EML1: variants seen among roughly 807,000 people sequenced by gnomAD.
EML1 encodes the protein EMAP like 1.
Under a neutral mutation model 110.4 loss-of-function variants are expected in EML1, and 27 were observed. The ratio of observed to expected loss-of-function variants is 0.24; its 90% CI spans 0.18 to 0.34. The LOEUF is 0.34. Ranked by LOEUF, EML1 falls within the 10% of genes least tolerant of loss-of-function variation. The pLI, the probability that EML1 is intolerant of heterozygous loss-of-function variation, is 1.00. For missense variants in EML1, 741 were observed against 1,030.9 expected, an observed-to-expected ratio of 0.72 and a Z score of 3.85; for synonymous variants, 344 against 385.8, an observed-to-expected ratio of 0.89 and a Z score of 1.27.
At chr14:99,767,518 C>A (rs941606980) in intron 1 of EML1, among the ~76,000 whole-genome samples, 28 of 152,126 alleles carry the variant, frequency 1.8e-4, no homozygotes, top group African/African-American at 5.8e-4. Flanking sequence ...AGGAGAATCG[C>A]TTGAACCCAG....
At chr14:99,917,154 G>A (rs1417828695) in intron 15 of EML1, among the ~76,000 whole-genome samples, 3 of 152,168 alleles carry the variant, frequency 2.0e-5, no homozygotes, top group African/African-American at 7.2e-5. Context: ...CTCAGCACGG[G>A]GAGTCAACTG....
intron 13 of EML1, 72 bp downstream of exon 13, chr14:99,911,648 A>G: frequency 6.6e-7 from 1 of 1,517,288 alleles, no homozygotes; most frequent in Non-Finnish European, 8.9e-7. Context: ...TTAGTTTGAA[A>G]TCTGTATCTT....
At position 99,939,310 on chromosome 14, in the gene EML1, C is replaced by A; in HGVS notation, c.2305C>A (p.Pro769Thr). 6.2e-7 allele frequency: 1 copy of A among 1,614,220 alleles called. No homozygotes were observed. Among genetic ancestry groups the A allele is most frequent in the South Asian group, 1.1e-5 (1 of 91,086 alleles). ...DFGKVHLFSY[P>T]CSQFRAPSHI... ...TGGCAAAGTGCACCTCTTCTCATAC[C>A]CCTGCTCGCAGTTCAGGGTAAAGGA... Residue 769 changes from proline (P) to threonine (T), a missense_variant, in exon 21 of 22, where the codon CCC becomes ACC. By Grantham distance (38) the Pro-to-Thr change is conservative. This residue lies in a region of EML1 where 114 missense variants were observed against 122.5 expected (regional missense o/e 0.93). Coordinates refer to ENST00000262233, the MANE Select transcript of EML1 (RefSeq NM_004434.3). The surrounding 1 kb of genome is among the most constrained non-coding windows in gnomAD (Gnocchi z 4.2).
intron 1 of EML1, among the ~76,000 whole-genome samples, chr14:99,807,967 C>T (rs1566875224): frequency 6.6e-6 from 1 of 152,118 alleles, no homozygotes; most frequent in Non-Finnish European, 1.5e-5. Flanking sequence ...TGTGGTCATG[C>T]TTTATCAGTC....
chr14:99,894,184 C>A (rs999261602), intron 5 of EML1, among the ~76,000 whole-genome samples: 4 of 152,200 alleles, frequency 2.6e-5, no homozygotes, highest in Non-Finnish European at 5.9e-5. Context: ...TTTTACATTG[C>A]AATATAACAA....
chr14:99,839,277 G>A (rs931933924), intron 1 of EML1, among the ~76,000 whole-genome samples: 1 of 152,136 alleles, frequency 6.6e-6, no homozygotes, highest in African/African-American at 2.4e-5. Context: ...GCAAGCTTGT[G>A]ATTCTGGCAT....
chr14:99,868,756 A>G (rs1463844592), intron 3 of EML1, among the ~76,000 whole-genome samples: 2 of 152,022 alleles, frequency 1.3e-5, no homozygotes, highest in African/African-American at 2.4e-5. Context: ...AAAAAAAACA[A>G]TTCTTGGTTT....
At chr14:99,891,102 G>A in intron 4 of EML1, 97 bp from the exon 5 acceptor site, 3 of 1,386,338 alleles carry the variant, frequency 2.2e-6, no homozygotes, top group Non-Finnish European at 3.0e-6. Context: ...CAGCATTTGT[G>A]TGGCAGACTA....
chr14:99,935,176 T>C (rs1320801743), intron 17 of EML1, among the ~76,000 whole-genome samples: 1 of 152,122 alleles, frequency 6.6e-6, no homozygotes, highest in Non-Finnish European at 1.5e-5. Flanking sequence ...TTTCATAAAA[T>C]TGTATGAAAA....
intron 9 of EML1, among the ~76,000 whole-genome samples, chr14:99,901,413 C>T (rs545816575): frequency 6.6e-6 from 1 of 152,296 alleles, no homozygotes; most frequent in East Asian, 1.9e-4. Flanking sequence ...GGGTCCCGAT[C>T]CAGACCCCAA....
intron 17 of EML1, among the ~76,000 whole-genome samples, chr14:99,927,890 GGT>G (rs2060273930): frequency 1.3e-3 from 2 of 1,538 alleles, no homozygotes; most frequent in Non-Finnish European, 3.4e-3. Flanking sequence ...TGGTGGTGGT[GGT>G]GGTGGTGGTG....
chr14:99,935,559 G>A (rs1402267569), intron 17 of EML1, among the ~76,000 whole-genome samples: 15 of 151,980 alleles, frequency 9.9e-5, no homozygotes, highest in Admixed American at 7.2e-4. Context: ...CGAGGCGGGC[G>A]GATCACGAGG....
intron 2 of EML1, among the ~76,000 whole-genome samples, chr14:99,856,617 C>A (rs2058907309): frequency 6.6e-6 from 1 of 152,132 alleles, no homozygotes; most frequent in Non-Finnish European, 1.5e-5. Context: ...CTCTTTTGCT[C>A]TTTTAGATAG....
At chr14:99,765,388 A>T (rs1433784851) in intron 1 of EML1, among the ~76,000 whole-genome samples, 1 of 151,990 alleles carries the variant, frequency 6.6e-6, no homozygotes, top group Non-Finnish European at 1.5e-5. Context: ...TCCCCCCACC[A>T]CGCCAGGCCC....
At chr14:99,771,820 CAAAT>C (rs2057431245), upstream of EML1, among the ~76,000 whole-genome samples, 2 of 151,426 alleles carry the variant, frequency 1.3e-5, no homozygotes, top group Admixed American at 1.3e-4. Flanking sequence ...TCAAAACTAA[CAAAT>C]AAAAACCAAA....
intron 16 of EML1, among the ~76,000 whole-genome samples, chr14:99,918,763 T>C (rs529866713): frequency 1.3e-5 from 2 of 152,282 alleles, no homozygotes; most frequent in Admixed American, 1.3e-4. Flanking sequence ...TGCATCGCAC[T>C]ATGATTGCAC....
intron 1 of EML1, among the ~76,000 whole-genome samples, chr14:99,810,188 T>G (rs1313448519): frequency 1.3e-5 from 2 of 152,190 alleles, no homozygotes; most frequent in African/African-American, 2.4e-5. Flanking sequence ...CACCGTGTCC[T>G]TCAGAACCAG....
chr14:99,756,276 G>A (rs1595243033), intron 1 of EML1, among the ~76,000 whole-genome samples: 2 of 152,362 alleles, frequency 1.3e-5, no homozygotes, highest in South Asian at 4.1e-4. Context: ...GGGGTTTGGT[G>A]GTGGGGGCAG....
chr14:99,920,691 A>T, intron 16 of EML1, 98 bp from the exon 17 acceptor site: 1 of 947,174 alleles, frequency 1.1e-6, no homozygotes, highest in Non-Finnish European at 1.5e-6. Flanking sequence ...AGTATTTATT[A>T]AGCTTTTATG....
Sources: gnomAD v4.1 joint callset for allele counts (sites outside exome capture counted in the v4.1 genomes callset) on GRCh38, gnomAD v4.1.1 for gene constraint, gnomAD v4.1.1 regional missense constraint, Gnocchi (gnomAD v3.1) non-coding constraint, MANE v1.5 for transcripts, NCBI Gene and HGNC (gene_info 2026-07-23, HGNC 2026-07-21) for gene names.